The following ARHGAP42 variants were observed in gnomAD, a reference collection of about 807,000 sequenced individuals.
ARHGAP42 encodes Rho GTPase activating protein 42.
Under a neutral mutation model 125.0 loss-of-function variants are expected in ARHGAP42, and 63 were observed. That is an observed-to-expected ratio of 0.50 (90% CI 0.41 to 0.62). ARHGAP42 has a LOEUF of 0.62. ARHGAP42 is among the 20% of genes least tolerant of loss of function. ARHGAP42 has a pLI of 0.00. For synonymous variants in ARHGAP42, 339 were observed against 351.0 expected (o/e 0.97, Z 0.38); for missense variants, 766 against 1,024.2 (o/e 0.75, Z 3.44).
rs565930575 is a variant in ARHGAP42 at position 100,991,704 on chromosome 11, A to G, written c.*2903A>G. ...GTCTGAACAGTAAAATCATCTGTGT[A>G]TTCCTGTAACATTCACGAAGTATGA... is the stretch of plus-strand genomic sequence containing the variant. On this transcript the variant is annotated 3_prime_UTR_variant, in exon 24 of 24. Coordinates refer to ENST00000298815, the MANE Select transcript of ARHGAP42 (RefSeq NM_152432.4). The G allele has an allele frequency of 6.6e-6, 1 of 152,386 alleles. No homozygotes were observed. The highest frequency in any genetic ancestry group is 1.9e-4 in the East Asian group (1 of 5,174). The allele number at this position is 152,386 out of a possible 1,614,324, so 9.4% of individuals were successfully genotyped here. A position where few individuals can be genotyped will look rare whatever the true frequency, so the allele number is the denominator to read the frequency against.
At chr11:100,980,739 T>G (rs1309657884) in intron 22 of ARHGAP42, among the ~76,000 whole-genome samples, 1 of 148,230 alleles carries the variant, frequency 6.7e-6, no homozygotes, top group African/African-American at 2.4e-5. Flanking sequence ...TGCAGCTAAT[T>G]TTTGTAATTT....
At chr11:100,827,621 G>A (rs1012020633) in intron 3 of ARHGAP42, among the ~76,000 whole-genome samples, 39 of 152,320 alleles carry the variant, frequency 2.6e-4, no homozygotes, top group Non-Finnish European at 4.7e-4. Flanking sequence ...AATACCATGG[G>A]GTATAGAAGC....
chr11:100,972,613 A>C (rs1044137909), intron 17 of ARHGAP42, among the ~76,000 whole-genome samples: 2 of 152,166 alleles, frequency 1.3e-5, no homozygotes, highest in South Asian at 4.1e-4. Context: ...CAAGGAACCC[A>C]CTGACTTGCA....
intron 1 of ARHGAP42, among the ~76,000 whole-genome samples, chr11:100,706,246 G>C (rs544739571): frequency 6.6e-6 from 1 of 152,136 alleles, no homozygotes; most frequent in Non-Finnish European, 1.5e-5. Flanking sequence ...TTACTTCCCT[G>C]TTTCTCTCCC....
intron 1 of ARHGAP42, chr11:100,688,059 T>A: frequency 2.8e-6 from 1 of 362,980 alleles, no homozygotes; most frequent in South Asian, 8.4e-5. Flanking sequence ...GGCACTGGAA[T>A]ATATCCTGAG....
intron 1 of ARHGAP42, among the ~76,000 whole-genome samples, chr11:100,698,687 A>G (rs73001993): frequency 0.22 from 33,368 of 152,104 alleles, 3,874 homozygotes; most frequent in Non-Finnish European, 0.25. Context: ...CGTTTAAAAA[A>G]AAGGGTCATT....
At chr11:100,946,795 A>G (rs1868032869) in intron 10 of ARHGAP42, among the ~76,000 whole-genome samples, 1 of 152,058 alleles carries the variant, frequency 6.6e-6, no homozygotes, top group South Asian at 2.1e-4. Context: ...TATTGCAAGA[A>G]TCACCAAAAT....
At position 100,921,664 on chromosome 11, in the gene ARHGAP42, ACT is replaced by A. The variant is rs1396089208; in HGVS notation, c.597+61_597+62del. ...AAAACAATCTATGGAAAAAAAGTAC[ACT>A]GTTTTTTCTATAATATATAATTTTT... On this transcript the variant is annotated intron_variant, in intron 6 of 23. Transcript: ENST00000298815. 4 of 1,035,974 alleles carry A rather than the reference ACT, an allele frequency of 3.9e-6. No homozygotes were observed. The African/African-American group carries it at 6.6e-5, about 17-fold the overall frequency. The allele number at this position is 1,035,974 out of a possible 1,614,324, so 64.2% of individuals were successfully genotyped here.
At chr11:100,873,373 A>G (rs576700616) in intron 4 of ARHGAP42, among the ~76,000 whole-genome samples, 1 of 152,312 alleles carries the variant, frequency 6.6e-6, no homozygotes, top group South Asian at 2.1e-4. Flanking sequence ...GGTATTTTCT[A>G]TTGCATTTTA....
At chr11:100,978,845 A>T (rs1233890187) in intron 21 of ARHGAP42, 142 bp from the exon 22 acceptor site, 1 of 765,564 alleles carries the variant, frequency 1.3e-6, no homozygotes, top group Admixed American at 2.3e-5. Flanking sequence ...ATTAAAGGTT[A>T]AAACAATTAA....
intron 1 of ARHGAP42, among the ~76,000 whole-genome samples, chr11:100,714,767 C>T (rs947585594): frequency 1.3e-5 from 2 of 152,062 alleles, no homozygotes; most frequent in Admixed American, 6.6e-5. Context: ...ACAGTGGTAA[C>T]GCCTATAATC....
intron 4 of ARHGAP42, among the ~76,000 whole-genome samples, chr11:100,909,130 T>C (rs1207568286): frequency 6.6e-6 from 1 of 152,210 alleles, no homozygotes; most frequent in Non-Finnish European, 1.5e-5. Context: ...TTATGGATAT[T>C]AGCCCTTTGT....
chr11:100,942,402 G>A (rs1867909912), intron 9 of ARHGAP42, among the ~76,000 whole-genome samples: 1 of 152,104 alleles, frequency 6.6e-6, no homozygotes, highest in African/African-American at 2.4e-5. Flanking sequence ...GTCACTGAAG[G>A]TCTCACATGG....
At chr11:100,902,267 T>C (rs899736835) in intron 4 of ARHGAP42, among the ~76,000 whole-genome samples, 6 of 152,212 alleles carry the variant, frequency 3.9e-5, no homozygotes, top group Admixed American at 3.9e-4. Flanking sequence ...TGTGTTTTAG[T>C]CTAGACTCCA....
intron 2 of ARHGAP42, among the ~76,000 whole-genome samples, chr11:100,781,278 A>G (rs528899813): frequency 1.3e-5 from 2 of 149,984 alleles, no homozygotes; most frequent in Non-Finnish European, 3.0e-5. Flanking sequence ...GAGGAACAAC[A>G]TGAACTGTTT....
At chr11:100,753,347 C>T (rs1306422499) in intron 1 of ARHGAP42, among the ~76,000 whole-genome samples, 1 of 152,164 alleles carries the variant, frequency 6.6e-6, no homozygotes, top group Non-Finnish European at 1.5e-5. Flanking sequence ...TAGCTGAATT[C>T]CAGGCCGTCT....
chr11:100,975,229 T>G (rs1858359417), intron 19 of ARHGAP42, among the ~76,000 whole-genome samples: 1 of 152,164 alleles, frequency 6.6e-6, no homozygotes, highest in Non-Finnish European at 1.5e-5. Flanking sequence ...TTGGATTGTT[T>G]GTAACTCAAA....
intron 3 of ARHGAP42, chr11:100,839,831 T>G (rs1445592420): frequency 6.6e-6 from 1 of 152,132 alleles, no homozygotes; most frequent in Non-Finnish European, 1.5e-5. Flanking sequence ...TATGAGTAGC[T>G]GCACTCCCCT....
intron 15 of ARHGAP42, 122 bp downstream of exon 15, chr11:100,961,890 A>C: frequency 1.5e-6 from 1 of 662,764 alleles, no homozygotes; most frequent in African/African-American, 1.8e-5. Flanking sequence ...GTTCCCTTAC[A>C]TAAGGTGAAA....
Sources: gnomAD v4.1 joint callset for allele counts (sites outside exome capture counted in the v4.1 genomes callset) on GRCh38, gnomAD v4.1.1 for gene constraint, MANE v1.5 for transcripts, NCBI Gene and HGNC (gene_info 2026-07-23, HGNC 2026-07-21) for gene names.